Variants in STARD8 observed in about 807,000 individuals in gnomAD.
The protein encoded by STARD8 is StAR related lipid transfer domain containing 8.
STARD8 carries 25 observed loss-of-function variants against 69.4 expected under a neutral mutation model. The observed-to-expected ratio is 0.36, with a 90% confidence interval of 0.26 to 0.50. The LOEUF is 0.50. Among genes scored for constraint, STARD8 ranks in the 20% least tolerant of loss-of-function variants. STARD8 has a pLI of 0.96. For missense variants in STARD8, 921 were observed against 932.5 expected (o/e 0.99, Z 0.16); for synonymous variants, 389 against 374.6 (o/e 1.04, Z -0.45).
At chrX:68,684,002 T>C (rs1429636219) in intron 2 of STARD8, among the ~76,000 whole-genome samples, 2 of 112,587 alleles carry the variant, frequency 1.8e-5, no homozygotes, top group Non-Finnish European at 3.7e-5. Context: ...GTAATGATGA[T>C]GATATATATA....
chrX:68,656,382 T>C (rs1288219665), intron 1 of STARD8: 1 of 111,621 alleles, frequency 9.0e-6, no homozygotes, highest in African/African-American at 3.3e-5. Flanking sequence ...TGTGGAGAAA[T>C]AGGATCACTT....
Position 68,718,427 on chromosome X carries a change from G to C in STARD8, c.1513G>C (p.Gly505Arg). The change falls in exon 6 of 15, where the codon GGG (glycine) becomes CGG (arginine). Residue 505 changes from glycine to arginine, a missense_variant. Transcript: ENST00000374599. ...QDSEQEAHSG[G>R]EPTFASSLSV... ...CAGTGAGCAGGAGGCACATTCAGGCGGGGAACCCACCTTTGCCTCTAGCCT... is the reference window on the plus strand; with the variant it reads ...CAGTGAGCAGGAGGCACATTCAGGCCGGGAACCCACCTTTGCCTCTAGCCT... The C allele has an allele frequency of 1.7e-6, 2 of 1,210,791 alleles. No individual in the cohort carries two copies. The highest frequency in any genetic ancestry group is 2.2e-6 in the Non-Finnish European group (2 of 894,979).
In STARD8 at chrX:68,669,613, C is replaced by T. The variant is rs764384772; in HGVS notation, c.79+4081C>T. Among the ~76,000 whole-genome samples the T allele has an allele frequency of 5.4e-5, 6 of 111,721 alleles. No homozygotes were observed. The East Asian group carries it at 1.7e-3, about 32-fold the overall frequency. Reference sequence around the variant, plus strand: ...TTCGGGGCTTCACTCCAGGCTCCTGCTGAAGTGGCTGAGGTGGCCTGGTGG... The same window carrying T: ...TTCGGGGCTTCACTCCAGGCTCCTGTTGAAGTGGCTGAGGTGGCCTGGTGG... On this transcript the variant is annotated intron_variant, in intron 2 of 14. Coordinates refer to ENST00000374599, the MANE Select transcript of STARD8 (RefSeq NM_001142503.3).
rs764489354 is a variant in STARD8 at position 68,661,794 on chromosome X, C to T, written c.46-3705C>T. 2.7e-5 allele frequency among the ~76,000 whole-genome samples: 3 copies of T among 110,609 alleles called. No homozygotes were observed. In the East Asian group the frequency reaches 8.6e-4, roughly 32 times the overall value. On this transcript the variant is annotated intron_variant, in intron 1 of 14. Coordinates refer to ENST00000374599, the MANE Select transcript of STARD8 (RefSeq NM_001142503.3). ...TGTAAATTGTCTATATATTGGTCCC[C>T]TTCTTCCTACCCTAAGGACCACTGC...
Position 68,721,571 on chromosome X carries a change from G to A in STARD8, c.2284G>A (p.Ala762Thr). Residue 762 changes from alanine to threonine, a missense_variant, in exon 10 of 15, where the codon GCC (alanine) becomes ACC (threonine). Coordinates refer to ENST00000374599, the MANE Select transcript of STARD8 (RefSeq NM_001142503.3). ...GGATCAGTGGTTGGCAGCAGCACAA[G>A]CCGCCACCTTGCTGCTCCCCGATGA... Reference protein sequence around the residue: ...PKDQWLAAAQAATLLLPDENR... With the variant: ...PKDQWLAAAQTATLLLPDENR... The A allele has an allele frequency of 1.7e-6, 2 of 1,211,941 alleles. No homozygotes were observed. Among genetic ancestry groups the A allele is most frequent in the Non-Finnish European group, 2.2e-6 (2 of 895,579 alleles).
At chrX:68,685,680 C>T (rs901457527) in intron 2 of STARD8, among the ~76,000 whole-genome samples, 5 of 112,764 alleles carry the variant, frequency 4.4e-5, no homozygotes, top group Admixed American at 3.7e-4. Flanking sequence ...ATAACTGCCC[C>T]GGCCTAGATG....
chrX:68,672,717 C>G (rs973771486), intron 2 of STARD8, among the ~76,000 whole-genome samples: 2 of 109,133 alleles, frequency 1.8e-5, no homozygotes, highest in Admixed American at 1.9e-4. Flanking sequence ...AACAGCGCCC[C>G]ACCCCCCATG....
At position 68,721,601 on chromosome X, in the gene STARD8, C is replaced by T. The variant is rs2080149821; in HGVS notation, c.2314C>T (p.Arg772Ter). 3 of 1,212,037 alleles carry T rather than the reference C, an allele frequency of 2.5e-6. No homozygotes were observed. Among genetic ancestry groups the T allele is most frequent in the South Asian group, 1.8e-5 (1 of 56,999 alleles). ...AATLLLPDENREVLQTLLYFL... is the reference protein window; with the variant it reads ...AATLLLPDEN The stretch of plus-strand genomic sequence containing the variant: ...CACCTTGCTGCTCCCCGATGAGAAC[C>T]GAGAGGTGCTACAGACCCTGCTCTA... The change falls in exon 10 of 15, where the codon CGA becomes TGA. Residue 772 changes from arginine (R) to a stop codon, truncating the protein, a stop_gained. Coordinates refer to ENST00000374599, the MANE Select transcript of STARD8 (RefSeq NM_001142503.3). LOFTEE classifies it high-confidence loss of function.
At chrX:68,681,312 T>C (rs548504391) in intron 2 of STARD8, among the ~76,000 whole-genome samples, 3 of 111,598 alleles carry the variant, frequency 2.7e-5, no homozygotes, top group African/African-American at 9.8e-5. Flanking sequence ...CTGTGTCTGG[T>C]CATTTTCCAC....
rs1033075841 is a variant in STARD8 at position 68,651,721 on chromosome X, C to T, written c.45+3794C>T. The stretch of plus-strand genomic sequence containing the variant: ...CACAAACTTGGGTTTCAATTCCACC[C>T]CACACCCACAGGCACACATACTAGC... On this transcript the variant is annotated intron_variant, in intron 1 of 14. Transcript: ENST00000374599. Among the ~76,000 whole-genome samples the T allele has an allele frequency of 2.7e-5, 3 of 110,974 alleles. No homozygotes were observed. In the Admixed American group the frequency reaches 2.9e-4, roughly 11 times the overall value.
chrX:68,719,764 G>T (rs73531944), intron 7 of STARD8, among the ~76,000 whole-genome samples: 9 of 111,699 alleles, frequency 8.1e-5, no homozygotes, highest in Non-Finnish European at 1.1e-4. Flanking sequence ...TTAGCCTACC[G>T]CTCCTAAGCA....
At chrX:68,693,636 C>G (rs1006431537) in intron 2 of STARD8, 1 of 754,902 alleles carries the variant, frequency 1.3e-6, no homozygotes, top group Non-Finnish European at 1.6e-6. Context: ...TCCCTCCCCA[C>G]TTGAGCTGAG....
In STARD8 at chrX:68,724,514, G is replaced by A. The variant is rs967089586; in HGVS notation, c.*92G>A. On this transcript the variant is annotated 3_prime_UTR_variant, in exon 15 of 15. Transcript: ENST00000374599. The stretch of plus-strand genomic sequence containing the variant: ...AGAGCAGGGCAGCCCCCTGGGTGCC[G>A]CTGTCAGGAGCAGAGCCAGGCCCAG... The A allele has an allele frequency of 1.2e-5, 9 of 752,117 alleles. No individual in the cohort carries two copies. The highest frequency in any genetic ancestry group is 4.2e-5 in the African/African-American group (2 of 47,285). 62.0% of individuals were successfully genotyped at this position (752,117 alleles called of 1,213,427 possible). A position where few individuals can be genotyped will look rare whatever the true frequency, so the allele number is the denominator to read the frequency against.
intron 1 of STARD8, among the ~76,000 whole-genome samples, chrX:68,653,319 CA>C (rs2079582747): frequency 3.7e-5 from 1 of 26,909 alleles, no homozygotes. Context: ...CACCACACAC[CA>C]CACACACACA....
intron 2 of STARD8, among the ~76,000 whole-genome samples, chrX:68,701,547 T>C (rs959500417): frequency 7.1e-5 from 8 of 112,958 alleles, no homozygotes; most frequent in Non-Finnish European, 1.3e-4. Flanking sequence ...TGTGCACTTC[T>C]TCTCACCCTC....
intron 2 of STARD8, among the ~76,000 whole-genome samples, chrX:68,675,042 C>T (rs1197285520): frequency 9.2e-5 from 10 of 108,287 alleles, no homozygotes; most frequent in Non-Finnish European, 9.6e-5. Context: ...CTGCAACCTC[C>T]GCCTCCCGGG....
intron 1 of STARD8, among the ~76,000 whole-genome samples, chrX:68,650,000 A>G (rs866324347): frequency 1.8e-5 from 2 of 111,149 alleles, no homozygotes; most frequent in Non-Finnish European, 3.8e-5. Context: ...GACGCCCGAG[A>G]GGCACCTCTG....
intron 2 of STARD8, among the ~76,000 whole-genome samples, chrX:68,705,053 G>A (rs2079995040): frequency 8.9e-6 from 1 of 112,319 alleles, no homozygotes; most frequent in African/African-American, 3.2e-5. Context: ...CCAGGGACTG[G>A]AGATGGTGGA....
chrX:68,713,265 T>C (rs749151254), intron 3 of STARD8, among the ~76,000 whole-genome samples: 1 of 112,727 alleles, frequency 8.9e-6, no homozygotes, highest in East Asian at 2.8e-4. Flanking sequence ...ATCCTGAGGA[T>C]GCCATGTAGG....
Sources: allele counts gnomAD v4.1 joint callset (sites outside exome capture counted in the v4.1 genomes callset), GRCh38; gene constraint gnomAD v4.1.1; transcripts MANE v1.5; gene names NCBI Gene and HGNC (gene_info 2026-07-23, HGNC 2026-07-21).